The following GPC6 variants were observed in gnomAD, a reference collection of about 807,000 sequenced individuals.
GPC6 encodes glypican-6.
GPC6 carries 14 observed loss-of-function variants against 55.2 expected under a neutral mutation model. The ratio of observed to expected loss-of-function variants is 0.25; its 90% confidence interval spans 0.17 to 0.40. The LOEUF (loss-of-function observed/expected upper bound fraction) is 0.40. GPC6 is among the 10% of genes least tolerant of loss of function. The probability of loss-of-function intolerance (pLI) is 1.00; values close to 1 mark genes in which losing one functional copy is unlikely to be tolerated. For synonymous variants in GPC6, 278 were observed against 259.6 expected, an observed-to-expected ratio of 1.07 and a Z score of -0.68; for missense variants, 641 against 708.5, an observed-to-expected ratio of 0.90 and a Z score of 1.08.
At chr13:94,335,595 T>TAGA (rs398117757) in intron 6 of GPC6, among the ~76,000 whole-genome samples, 1 of 105,716 alleles carries the variant, frequency 9.5e-6, no homozygotes, top group African/African-American at 3.3e-5. Context: ...AACACTGTTT[T>TAGA]AGAATGAATA....
chr13:94,134,680 C>T (rs997521691), intron 4 of GPC6, among the ~76,000 whole-genome samples: 1 of 152,168 alleles, frequency 6.6e-6, no homozygotes, highest in South Asian at 2.1e-4. Context: ...AAAACATATT[C>T]ATCATCTTAG....
At chr13:93,373,377 G>A (rs541034045) in intron 1 of GPC6, among the ~76,000 whole-genome samples, 3 of 152,100 alleles carry the variant, frequency 2.0e-5, no homozygotes, top group African/African-American at 7.2e-5. Context: ...ATAGCTTCCT[G>A]GTAGGGCATG....
intron 1 of GPC6, among the ~76,000 whole-genome samples, chr13:93,315,975 T>C (rs570557461): frequency 6.6e-6 from 1 of 152,214 alleles, no homozygotes; most frequent in East Asian, 1.9e-4. Context: ...TGTGCTGTCT[T>C]TTGTTCATGC....
intron 4 of GPC6, among the ~76,000 whole-genome samples, chr13:94,265,239 G>A (rs1891764355): frequency 6.6e-6 from 1 of 152,144 alleles, no homozygotes; most frequent in Admixed American, 6.5e-5. Flanking sequence ...ATATAAAGGG[G>A]AGTTTATTAA....
chr13:94,389,601 C>A (rs2139216668), intron 7 of GPC6, among the ~76,000 whole-genome samples: 1 of 152,278 alleles, frequency 6.6e-6, no homozygotes, highest in South Asian at 2.1e-4. Context: ...GCATTGTTTT[C>A]TCTTCACGCA....
intron 3 of GPC6, among the ~76,000 whole-genome samples, chr13:94,011,080 C>T (rs1882227296): frequency 6.6e-6 from 1 of 152,110 alleles, no homozygotes; most frequent in African/African-American, 2.4e-5. Flanking sequence ...AACGCATTCT[C>T]ATTTAACTTC....
intron 2 of GPC6, among the ~76,000 whole-genome samples, chr13:93,691,751 A>G (rs1882264004): frequency 6.6e-6 from 1 of 152,046 alleles, no homozygotes; most frequent in Admixed American, 6.6e-5. Flanking sequence ...GACATTGACT[A>G]TGTTATGATA....
intron 1 of GPC6, among the ~76,000 whole-genome samples, chr13:93,271,880 G>T (rs1375350240): frequency 6.6e-6 from 1 of 152,094 alleles, no homozygotes; most frequent in Admixed American, 6.5e-5. Flanking sequence ...GTGCTTTTCA[G>T]AATAAAGAAC....
At chr13:94,258,230 C>A (rs773893099) in intron 4 of GPC6, among the ~76,000 whole-genome samples, 1 of 152,176 alleles carries the variant, frequency 6.6e-6, no homozygotes, top group African/African-American at 2.4e-5. Context: ...AGGTGAGCCC[C>A]GCAGAGGATT....
chr13:94,332,035 T>A (rs955520533), intron 6 of GPC6, among the ~76,000 whole-genome samples: 2 of 152,218 alleles, frequency 1.3e-5, no homozygotes, highest in Non-Finnish European at 2.9e-5. Flanking sequence ...GAGGCAGTAA[T>A]GCTTTGTGCA....
At chr13:93,224,047 G>A (rs111635910), upstream of GPC6, among the ~76,000 whole-genome samples, 2,556 of 151,394 alleles carry the variant, frequency 0.017, 31 homozygotes, top group Middle Eastern at 0.041. Flanking sequence ...CTGCAGTGCC[G>A]GCCACCACAC....
chr13:93,255,524 T>C (rs1042409849), intron 1 of GPC6, among the ~76,000 whole-genome samples: 1 of 152,230 alleles, frequency 6.6e-6, no homozygotes, highest in African/African-American at 2.4e-5. Flanking sequence ...TTTGGGTTTT[T>C]TTCCCCCTAC....
chr13:93,755,439 G>A (rs1400127904), intron 2 of GPC6, among the ~76,000 whole-genome samples: 1 of 152,144 alleles, frequency 6.6e-6, no homozygotes, highest in Admixed American at 6.6e-5. Context: ...TACAGATTAT[G>A]TGGCAGGAAT....
At chr13:93,560,734 C>G (rs919936824) in intron 2 of GPC6, among the ~76,000 whole-genome samples, 1 of 149,888 alleles carries the variant, frequency 6.7e-6, no homozygotes, top group African/African-American at 2.5e-5. Context: ...ACACTGCACT[C>G]CAGCCTGGGC....
At chr13:94,026,116 G>A (rs1882886013) in intron 3 of GPC6, among the ~76,000 whole-genome samples, 2 of 152,038 alleles carry the variant, frequency 1.3e-5, no homozygotes, top group South Asian at 4.1e-4. Flanking sequence ...TAAAATTTTG[G>A]AAAGAAAATG....
chr13:94,325,902 A>C (rs1333745728), intron 6 of GPC6, among the ~76,000 whole-genome samples: 1 of 152,188 alleles, frequency 6.6e-6, no homozygotes, highest in Non-Finnish European at 1.5e-5. Flanking sequence ...AGAAGCTCTG[A>C]CCATGACCTC....
At chr13:93,648,344 T>C (rs897508043) in intron 2 of GPC6, among the ~76,000 whole-genome samples, 4 of 152,172 alleles carry the variant, frequency 2.6e-5, no homozygotes, top group African/African-American at 9.7e-5. Context: ...AAATTGATTT[T>C]TGAGTGTTGA....
At chr13:93,554,977 C>T (rs987432731) in intron 2 of GPC6, among the ~76,000 whole-genome samples, 3 of 152,184 alleles carry the variant, frequency 2.0e-5, no homozygotes, top group Non-Finnish European at 4.4e-5. Flanking sequence ...TGTTTCCTCC[C>T]TTCCTAGCAG....
chr13:93,601,351 C>A (rs1878007875), intron 2 of GPC6, among the ~76,000 whole-genome samples: 1 of 152,022 alleles, frequency 6.6e-6, no homozygotes, highest in South Asian at 2.1e-4. Context: ...CCACTACATT[C>A]CAGCCTGGGT....
Sources: allele counts gnomAD v4.1 joint callset (sites outside exome capture counted in the v4.1 genomes callset), GRCh38; gene constraint gnomAD v4.1.1; transcripts MANE v1.5; gene names NCBI Gene and HGNC (gene_info 2026-07-23, HGNC 2026-07-21).